The following PALMD variants were observed in gnomAD, a reference collection of about 807,000 sequenced individuals.
The protein encoded by PALMD is paralemmin-like protein.
A neutral mutation model predicts 56.2 loss-of-function variants in PALMD; 42 were observed. The ratio of observed to expected loss-of-function variants is 0.75; its 90% confidence interval spans 0.58 to 0.97. The LOEUF is 0.97. Among genes scored for constraint, PALMD ranks in the 50% least tolerant of loss-of-function variants. PALMD has a pLI of 0.00. For synonymous variants in PALMD, 242 were observed against 222.9 expected, an observed-to-expected ratio of 1.09 and a Z score of -0.76; for missense variants, 660 against 643.8, an observed-to-expected ratio of 1.03 and a Z score of -0.27.
intron 1 of PALMD, among the ~76,000 whole-genome samples, chr1:99,653,534 C>T (rs1402240923): frequency 6.6e-6 from 1 of 152,100 alleles, no homozygotes; most frequent in Non-Finnish European, 1.5e-5. Flanking sequence ...CTTTTTAATT[C>T]ACCCCATAAA....
At chr1:99,683,062 G>A (rs201114533) in intron 3 of PALMD, among the ~76,000 whole-genome samples, 1,060 of 16,408 alleles carry the variant, frequency 0.065, 75 homozygotes, top group East Asian at 0.25. Context: ...GAAAGAGAGA[G>A]AGAGAGAGAG....
chr1:99,658,303 CAAAA>C (rs144642179), intron 1 of PALMD, among the ~76,000 whole-genome samples: 3 of 105,236 alleles, frequency 2.9e-5, no homozygotes, highest in Non-Finnish European at 2.1e-5. Flanking sequence ...GACTCTGTCT[CAAAA>C]AAAAAAAAAA....
At position 99,687,081 on chromosome 1, in the gene PALMD, A is replaced by T. The variant is rs1190921285; in HGVS notation, c.406A>T (p.Ile136Phe). ...VEREERAEES[I>F]EDIYANIPDL... Reference sequence around the variant, plus strand: ...AATTCATATTAATTTTACAGAGTCAATTGAGGACATCTATGCTAATATCCC... The same window carrying T: ...AATTCATATTAATTTTACAGAGTCATTTGAGGACATCTATGCTAATATCCC... The change falls in exon 6 of 8, where the codon ATT becomes TTT. Residue 136 changes from isoleucine (I) to phenylalanine (F), a missense_variant. By Grantham distance (21) the Ile-to-Phe change is conservative. Transcript: ENST00000263174. 8.2e-6 allele frequency: 13 copies of T among 1,587,806 alleles called. No homozygotes were observed. The highest frequency in any genetic ancestry group is 1.1e-5 in the Non-Finnish European group (13 of 1,160,066).
At position 99,667,677 on chromosome 1, in the gene PALMD, A is replaced by G. The variant is rs1465918887; in HGVS notation, c.162A>G (p.Gly54=). The change falls in exon 3 of 8, where the codon GGA becomes GGG. Residue 54 remains glycine, a synonymous_variant. Coordinates refer to ENST00000263174, the MANE Select transcript of PALMD (RefSeq NM_017734.5). ...KALREKWLLD[G]ISSGKEQEEM... ...TGAGGGAGAAATGGCTTCTAGATGGAATCAGCAGCGGAAAAGAACAGGAAG... is the reference window on the plus strand; with the variant it reads ...TGAGGGAGAAATGGCTTCTAGATGGGATCAGCAGCGGAAAAGAACAGGAAG... 1 of 1,613,280 alleles carries G rather than the reference A, an allele frequency of 6.2e-7. No individual in the cohort carries two copies. The highest frequency in any genetic ancestry group is 8.5e-7 in the Non-Finnish European group (1 of 1,179,294).
intron 7 of PALMD, 51 bp downstream of exon 7, chr1:99,689,923 T>C: frequency 6.6e-7 from 1 of 1,513,040 alleles, no homozygotes; most frequent in Non-Finnish European, 8.8e-7. Flanking sequence ...GTGACCAGCT[T>C]CTCTTGTGCT....
chr1:99,693,812 T>A (rs1370533040), intron 7 of PALMD, among the ~76,000 whole-genome samples: 1 of 152,184 alleles, frequency 6.6e-6, no homozygotes, highest in Non-Finnish European at 1.5e-5. Flanking sequence ...AGAAATAGGT[T>A]CCTTCTAGTT....
intron 7 of PALMD, among the ~76,000 whole-genome samples, chr1:99,692,153 G>C (rs958396776): frequency 6.6e-6 from 1 of 152,146 alleles, no homozygotes; most frequent in African/African-American, 2.4e-5. Context: ...ACCAATCAGG[G>C]GGTAGTAGTT....
At chr1:99,659,587 T>A (rs1054350937) in intron 1 of PALMD, among the ~76,000 whole-genome samples, 2 of 152,240 alleles carry the variant, frequency 1.3e-5, no homozygotes, top group Admixed American at 1.3e-4. Context: ...TAGCTGACTA[T>A]GATAACTTTT....
intron 1 of PALMD, among the ~76,000 whole-genome samples, chr1:99,656,978 T>A (rs1652738407): frequency 6.6e-6 from 1 of 152,236 alleles, no homozygotes; most frequent in Non-Finnish European, 1.5e-5. Flanking sequence ...CTTTCAGTTA[T>A]GTGGCCAAAT....
chr1:99,654,222 C>A (rs1196270918), intron 1 of PALMD, among the ~76,000 whole-genome samples: 1 of 151,846 alleles, frequency 6.6e-6, no homozygotes, highest in African/African-American at 2.4e-5. Context: ...CTTGAAAGTT[C>A]AGTAAAGAAG....
At chr1:99,674,214 C>T (rs1214365937) in intron 3 of PALMD, among the ~76,000 whole-genome samples, 3 of 152,132 alleles carry the variant, frequency 2.0e-5, no homozygotes, top group African/African-American at 7.2e-5. Flanking sequence ...CTGCCAATCT[C>T]ATCTATATGT....
At chr1:99,658,828 C>A (rs1264417389) in intron 1 of PALMD, among the ~76,000 whole-genome samples, 2 of 151,456 alleles carry the variant, frequency 1.3e-5, no homozygotes, top group Non-Finnish European at 3.0e-5. Context: ...CATCTGTAGT[C>A]CCAGCTACTT....
chr1:99,665,737 T>A (rs1652946377), intron 2 of PALMD, among the ~76,000 whole-genome samples: 1 of 152,116 alleles, frequency 6.6e-6, no homozygotes, highest in South Asian at 2.1e-4. Context: ...CTTCTATAGG[T>A]GTTACTGTCT....
At chr1:99,676,813 A>C (rs1261449231) in intron 3 of PALMD, among the ~76,000 whole-genome samples, 1 of 152,174 alleles carries the variant, frequency 6.6e-6, no homozygotes, top group Admixed American at 6.5e-5. Flanking sequence ...TCACCTTCTA[A>C]TATATTACAT....
At chr1:99,652,629 GA>G (rs1244490280) in intron 1 of PALMD, among the ~76,000 whole-genome samples, 1 of 125,734 alleles carries the variant, frequency 8.0e-6, no homozygotes, top group Non-Finnish European at 1.7e-5. Flanking sequence ...ACAGAAAAGA[GA>G]AAAGGAAAGG....
At chr1:99,655,793 T>C (rs1448220012) in intron 1 of PALMD, among the ~76,000 whole-genome samples, 2 of 152,206 alleles carry the variant, frequency 1.3e-5, no homozygotes, top group South Asian at 4.1e-4. Flanking sequence ...CTTTTGAGGA[T>C]CAAGATTATT....
chr1:99,682,180 T>A (rs1653360652), intron 3 of PALMD, among the ~76,000 whole-genome samples: 1 of 152,222 alleles, frequency 6.6e-6, no homozygotes, highest in East Asian at 1.9e-4. Context: ...CCATAAATAT[T>A]TGAAGTATCA....
chr1:99,685,839 G>A (rs988488349), intron 3 of PALMD: 5 of 152,166 alleles, frequency 3.3e-5, no homozygotes, highest in African/African-American at 9.7e-5. Context: ...AGCCTTCTGC[G>A]TGATTGCCAG....
chr1:99,656,851 G>A (rs538072980), intron 1 of PALMD, among the ~76,000 whole-genome samples: 7 of 152,244 alleles, frequency 4.6e-5, no homozygotes, highest in African/African-American at 1.7e-4. Context: ...GTAAAATGAA[G>A]CATTTGGACC....
Sources: gnomAD v4.1 joint callset for allele counts (sites outside exome capture counted in the v4.1 genomes callset) on GRCh38, gnomAD v4.1.1 for gene constraint, MANE v1.5 for transcripts, NCBI Gene and HGNC (gene_info 2026-07-23, HGNC 2026-07-21) for gene names.